GRAP2: variants seen among roughly 807,000 people sequenced by gnomAD.
GRAP2 encodes the protein GRB2-related adapter protein 2.
A neutral mutation model predicts 43.5 loss-of-function variants in GRAP2; 31 were observed. The ratio of observed to expected loss-of-function variants is 0.71; its 90% CI spans 0.54 to 0.96. The LOEUF is 0.96. Ranked by LOEUF, GRAP2 falls within the 40% of genes least tolerant of loss-of-function variation. The pLI, the probability that GRAP2 is intolerant of heterozygous loss-of-function variation, is 0.00. For missense variants in GRAP2, 371 were observed against 424.4 expected (o/e 0.87, Z 1.11); for synonymous variants, 156 against 164.8 (o/e 0.95, Z 0.41).
chr22:39,943,764 G>C (rs2066894085), intron 1 of GRAP2, among the ~76,000 whole-genome samples: 1 of 146,734 alleles, frequency 6.8e-6, no homozygotes, highest in African/African-American at 2.5e-5. Flanking sequence ...TCTGTCGCTA[G>C]ACTGGAGTGC....
chr22:39,944,725 C>T (rs1271483985), intron 1 of GRAP2, among the ~76,000 whole-genome samples: 1 of 152,190 alleles, frequency 6.6e-6, no homozygotes, highest in Admixed American at 6.5e-5. Context: ...CAGCCTGGAC[C>T]CAGTGCCCAA....
chr22:39,968,358 CAGAG>C, intron 6 of GRAP2, 86 bp downstream of exon 6: 8 of 1,505,472 alleles, frequency 5.3e-6, no homozygotes, highest in Non-Finnish European at 7.2e-6. Flanking sequence ...CTTGAGTTCT[CAGAG>C]AGTTCATGAT....
chr22:39,897,664 C>T, upstream of GRAP2, among the ~76,000 whole-genome samples: 1 of 152,060 alleles, frequency 6.6e-6, no homozygotes, highest in Non-Finnish European at 1.5e-5. Context: ...GGATTACAGG[C>T]ATGCGCCACC....
intron 2 of GRAP2, chr22:39,947,920 T>C (rs566813500): frequency 2.6e-4 from 39 of 152,406 alleles, no homozygotes; most frequent in Admixed American, 2.0e-3. Flanking sequence ...TTTGGGAGTG[T>C]GTGGAGCCAG....
At chr22:39,896,066 G>A in the GRAP2 span, among the ~76,000 whole-genome samples, 3 of 152,162 alleles carry the variant, frequency 2.0e-5, no homozygotes, top group African/African-American at 7.2e-5. Context: ...GTCACAAGTG[G>A]ACTTGTTATG....
At chr22:39,924,201 C>G (rs1431482997) in intron 1 of GRAP2, among the ~76,000 whole-genome samples, 1 of 152,162 alleles carries the variant, frequency 6.6e-6, no homozygotes, top group Non-Finnish European at 1.5e-5. Flanking sequence ...ACTTTAAGCT[C>G]CCAGGAAATG....
At chr22:39,939,124 T>G (rs2066838076) in intron 1 of GRAP2, among the ~76,000 whole-genome samples, 1 of 152,214 alleles carries the variant, frequency 6.6e-6, no homozygotes, top group East Asian at 1.9e-4. Context: ...GAAAGGGTTT[T>G]GCTGGGGGTA....
Position 39,969,524 on chromosome 22 carries a change from G to C in GRAP2, c.804G>C (p.Gln268His), listed in dbSNP as rs1396121729. The C allele has an allele frequency of 6.2e-7, 1 of 1,613,984 alleles. No individual in the cohort carries two copies. Among genetic ancestry groups the C allele is most frequent in the African/African-American group, 1.3e-5 (1 of 75,058 alleles). ...GACACACAGACCCAGTGCAGCTCCAGGCGGCAGGGGTATGGGAACTGTCCT... is the reference window on the plus strand; with the variant it reads ...GACACACAGACCCAGTGCAGCTCCACGCGGCAGGGGTATGGGAACTGTCCT... ...HRRHTDPVQL[Q>H]AAGRVRWARA... Residue 268 changes from glutamine to histidine, a missense_variant, in exon 7 of 8, where the codon CAG becomes CAC. Transcript: ENST00000344138.
intron 1 of GRAP2, among the ~76,000 whole-genome samples, chr22:39,935,396 T>C (rs955607408): frequency 1.3e-5 from 2 of 152,066 alleles, no homozygotes; most frequent in Non-Finnish European, 2.9e-5. Context: ...ACTTTGAGAA[T>C]CTAGGATAGG....
intron 1 of GRAP2, among the ~76,000 whole-genome samples, chr22:39,907,778 T>C (rs998181057): frequency 1.3e-5 from 2 of 152,212 alleles, no homozygotes; most frequent in African/African-American, 4.8e-5. Flanking sequence ...GTTGCCATTA[T>C]CTTGTTTGAT....
chr22:39,949,642 G>A (rs1394781192), intron 2 of GRAP2, among the ~76,000 whole-genome samples: 1 of 152,170 alleles, frequency 6.6e-6, no homozygotes, highest in East Asian at 1.9e-4. Context: ...ACTAACCATG[G>A]AGACTGGGGC....
chr22:39,962,694 G>T (rs2091126978), intron 4 of GRAP2, among the ~76,000 whole-genome samples: 1 of 151,872 alleles, frequency 6.6e-6, no homozygotes, highest in Admixed American at 6.6e-5. Flanking sequence ...CTCTCGCTCT[G>T]TCGCCCAGGC....
upstream of GRAP2, among the ~76,000 whole-genome samples, chr22:39,899,876 C>T (rs1003576490): frequency 2.0e-5 from 3 of 151,986 alleles, no homozygotes; most frequent in African/African-American, 7.3e-5. Context: ...ATCCCAGCTA[C>T]TTGGGAGGCT....
rs113131926 is a variant in GRAP2 at position 39,929,401 on chromosome 22, G to A, written c.-14-17692G>A. On this transcript the variant is annotated intron_variant, in intron 1 of 7. Coordinates refer to ENST00000344138, the MANE Select transcript of GRAP2 (RefSeq NM_004810.4). ...CCTCTTTGTATAGATTTTGTGAATA[G>A]TCATGGTTAAAAGCTAGCATTCCCT... Among the ~76,000 whole-genome samples the A allele has an allele frequency of 3.3e-3, 498 of 152,328 alleles. 4 individuals carry two copies. The highest frequency in any genetic ancestry group is 0.011 in the African/African-American group (478 of 41,568).
intron 7 of GRAP2, 50 bp downstream of exon 7, chr22:39,969,583 G>C (rs751993784): frequency 6.3e-7 from 1 of 1,590,204 alleles, no homozygotes; most frequent in Admixed American, 1.7e-5. Context: ...CCTTGGGACA[G>C]AGGTCAATGG....
intron 1 of GRAP2, among the ~76,000 whole-genome samples, chr22:39,910,073 C>T (rs1233893246): frequency 1.3e-5 from 2 of 152,158 alleles, no homozygotes; most frequent in African/African-American, 2.4e-5. Flanking sequence ...CATAAATATC[C>T]TTAGTTCTTG....
Position 39,966,002 on chromosome 22 carries a change from C to T in GRAP2, c.303C>T (p.Asp101=), listed in dbSNP as rs200044407. 50 of 1,613,664 alleles carry T rather than the reference C, an allele frequency of 3.1e-5. No individual in the cohort carries two copies. Among genetic ancestry groups the T allele is most frequent in the Middle Eastern group, 1.6e-4 (1 of 6,084 alleles). The change falls in exon 5 of 8, where the codon GAC becomes GAT. Residue 101 remains aspartate, a synonymous_variant. Transcript: ENST00000344138. The part of the protein sequence containing the change: ...DFSISVRHED[D]VQHFKVMRDN... Reference sequence around the variant, plus strand: ...CCTTGATCTCCAGGCATGAGGATGACGTTCAACACTTCAAGGTCATGCGAG... The same window carrying T: ...CCTTGATCTCCAGGCATGAGGATGATGTTCAACACTTCAAGGTCATGCGAG...
At chr22:39,940,351 T>G (rs2066854738) in intron 1 of GRAP2, among the ~76,000 whole-genome samples, 1 of 151,116 alleles carries the variant, frequency 6.6e-6, no homozygotes, top group African/African-American at 2.4e-5. Context: ...CTTGGTCTCT[T>G]GGTGAGGCCC....
intron 6 of GRAP2, among the ~76,000 whole-genome samples, chr22:39,968,889 T>C (rs2067207453): frequency 6.6e-6 from 1 of 152,206 alleles, no homozygotes; most frequent in African/African-American, 2.4e-5. Flanking sequence ...GTTACCCGAA[T>C]GGTCCATTGC....
Sources: gnomAD v4.1 joint callset for allele counts (sites outside exome capture counted in the v4.1 genomes callset) on GRCh38, gnomAD v4.1.1 for gene constraint, MANE v1.5 for transcripts, NCBI Gene and HGNC (gene_info 2026-07-23, HGNC 2026-07-21) for gene names.